LRRC4C: variants seen among roughly 807,000 people sequenced by gnomAD.
LRRC4C encodes the protein leucine rich repeat containing 4C.
LRRC4C carries 5 observed loss-of-function variants against 33.6 expected under a neutral mutation model. The observed-to-expected ratio is 0.15, with a 90% CI of 0.08 to 0.31. LRRC4C has a LOEUF of 0.31. Among genes scored for constraint, LRRC4C ranks in the 10% least tolerant of loss-of-function variants. The pLI, the probability that LRRC4C is intolerant of heterozygous loss-of-function variation, is 1.00. For missense variants in LRRC4C, 560 were observed against 796.7 expected, an observed-to-expected ratio of 0.70 and a Z score of 3.58; for synonymous variants, 329 against 302.0, an observed-to-expected ratio of 1.09 and a Z score of -0.93.
intron 1 of LRRC4C, among the ~76,000 whole-genome samples, chr11:41,022,724 A>C (rs2137697718): frequency 6.6e-6 from 1 of 152,154 alleles, no homozygotes; most frequent in East Asian, 1.9e-4. Context: ...TAGGAAAAGA[A>C]TACTTTAAGA....
intron 1 of LRRC4C, among the ~76,000 whole-genome samples, chr11:41,073,085 G>A (rs568107790): frequency 6.6e-6 from 1 of 152,196 alleles, no homozygotes; most frequent in African/African-American, 2.4e-5. Flanking sequence ...TCACCTTTTA[G>A]CAGAAATACC....
At chr11:40,556,068 A>C (rs1261461474) in intron 3 of LRRC4C, among the ~76,000 whole-genome samples, 1 of 152,198 alleles carries the variant, frequency 6.6e-6, no homozygotes, top group Non-Finnish European at 1.5e-5. Context: ...CCATCTAAAA[A>C]TTGCAACCAA....
At chr11:41,375,338 C>T (rs1451887218) in intron 1 of LRRC4C, among the ~76,000 whole-genome samples, 1 of 152,004 alleles carries the variant, frequency 6.6e-6, no homozygotes, top group Non-Finnish European at 1.5e-5. Flanking sequence ...AGTACAATTT[C>T]CGTTGATGCT....
At chr11:41,263,750 TTGAC>T (rs1378766601) in intron 1 of LRRC4C, among the ~76,000 whole-genome samples, 1 of 152,096 alleles carries the variant, frequency 6.6e-6, no homozygotes, top group African/African-American at 2.4e-5. Flanking sequence ...TTAGTACTTA[TTGAC>T]TGAGACCAAG....
intron 2 of LRRC4C, among the ~76,000 whole-genome samples, chr11:40,670,127 C>CA (rs1944016520): frequency 6.6e-6 from 1 of 152,162 alleles, no homozygotes; most frequent in South Asian, 2.1e-4. Context: ...GTAGTTACTT[C>CA]AAAATCAAAC....
intron 1 of LRRC4C, among the ~76,000 whole-genome samples, chr11:41,130,011 C>T (rs1259453156): frequency 6.6e-6 from 1 of 151,880 alleles, no homozygotes; most frequent in Non-Finnish European, 1.5e-5. Flanking sequence ...TAGTTATTTA[C>T]TGTCCATAGG....
chr11:40,896,799 C>T (rs1390961866), intron 2 of LRRC4C, among the ~76,000 whole-genome samples: 1 of 152,082 alleles, frequency 6.6e-6, no homozygotes, highest in East Asian at 1.9e-4. Context: ...AAGGTATGCG[C>T]ATCTACTTAC....
chr11:41,114,255 T>G (rs1170407636), intron 1 of LRRC4C, among the ~76,000 whole-genome samples: 1 of 151,918 alleles, frequency 6.6e-6, no homozygotes, highest in Non-Finnish European at 1.5e-5. Context: ...TAAAAATCTG[T>G]TATTTATTAT....
chr11:40,255,801 C>T (rs1382761739), intron 4 of LRRC4C, among the ~76,000 whole-genome samples: 1 of 152,178 alleles, frequency 6.6e-6, no homozygotes, highest in African/African-American at 2.4e-5. Context: ...TGGTATAAAA[C>T]CTCATTTGTA....
intron 3 of LRRC4C, among the ~76,000 whole-genome samples, chr11:40,350,564 T>C (rs552782037): frequency 1.3e-5 from 2 of 152,262 alleles, no homozygotes; most frequent in East Asian, 3.9e-4. Flanking sequence ...AGAATGGCTT[T>C]AGCTATTCTT....
chr11:41,318,656 C>T (rs1282180166), intron 1 of LRRC4C, among the ~76,000 whole-genome samples: 1 of 152,330 alleles, frequency 6.6e-6, no homozygotes, highest in South Asian at 2.1e-4. Context: ...GAACACTAAT[C>T]ATTTGACAAC....
At chr11:40,948,153 T>C (rs553377886) in intron 1 of LRRC4C, among the ~76,000 whole-genome samples, 5 of 152,234 alleles carry the variant, frequency 3.3e-5, no homozygotes, top group African/African-American at 4.8e-5. Context: ...TCACATGTTC[T>C]ATTTAATCTG....
At chr11:40,952,243 TG>T (rs1217670345) in intron 1 of LRRC4C, among the ~76,000 whole-genome samples, 1 of 151,974 alleles carries the variant, frequency 6.6e-6, no homozygotes, top group Non-Finnish European at 1.5e-5. Flanking sequence ...CCAAGTCTTT[TG>T]TCTCCAAGGT....
At chr11:41,328,384 G>T (rs570632044) in intron 1 of LRRC4C, among the ~76,000 whole-genome samples, 1 of 152,122 alleles carries the variant, frequency 6.6e-6, no homozygotes, top group South Asian at 2.1e-4. Flanking sequence ...GTTTTATTTA[G>T]AATCCTGTCT....
At chr11:40,911,591 G>A (rs892786588) in intron 2 of LRRC4C, among the ~76,000 whole-genome samples, 5 of 152,066 alleles carry the variant, frequency 3.3e-5, no homozygotes, top group African/African-American at 1.2e-4. Context: ...CCACAAAGAT[G>A]GGGAAACAAC....
rs183712411 is a variant in LRRC4C, at chr11:40,316,380, C to A, written c.-176+3248G>T. On this transcript the variant is annotated intron_variant, in intron 4 of 6. Coordinates refer to ENST00000528697, the MANE Select transcript of LRRC4C (RefSeq NM_001258419.2). ...AGAAACCTGACAAGGCTGTTTGGAA[C>A]TTTACTTGTTCCAATCTGTTGCTTT... Among the ~76,000 whole-genome samples the A allele has an allele frequency of 4.8e-3, 734 of 152,142 alleles. 1 individual carries two copies. Among genetic ancestry groups the A allele is most frequent in the Non-Finnish European group, 6.1e-3 (416 of 67,946 alleles).
intron 2 of LRRC4C, among the ~76,000 whole-genome samples, chr11:40,704,980 C>A (rs1946075993): frequency 6.6e-6 from 1 of 151,988 alleles, no homozygotes; most frequent in African/African-American, 2.4e-5. Context: ...CAGAACAATA[C>A]TAATGTAAAA....
chr11:41,025,757 G>GA (rs952417106), intron 1 of LRRC4C, among the ~76,000 whole-genome samples: 8 of 151,652 alleles, frequency 5.3e-5, no homozygotes, highest in Non-Finnish European at 1.0e-4. Context: ...CCTTATACTG[G>GA]AAAAAAGATG....
At chr11:41,448,143 G>GTTTTTTTTTTTTTTTTTTTT (rs1955895236) in intron 1 of LRRC4C, among the ~76,000 whole-genome samples, 1 of 19,172 alleles carries the variant, frequency 5.2e-5, no homozygotes, top group Non-Finnish European at 8.7e-5. Flanking sequence ...TTTTTTTTTT[G>GTTTTTTTTTTTTTTTTTTTT]GAGCTTTACT....
Sources: allele counts gnomAD v4.1 joint callset (sites outside exome capture counted in the v4.1 genomes callset), GRCh38; gene constraint gnomAD v4.1.1; transcripts MANE v1.5; gene names NCBI Gene and HGNC (gene_info 2026-07-23, HGNC 2026-07-21).